Variants in RTP2 observed in about 807,000 individuals in gnomAD.
RTP2 encodes the protein receptor-transporting protein 2.
In RTP2, 12 loss-of-function variants were observed where a neutral mutation model predicts 17.9. The ratio of observed to expected loss-of-function variants is 0.67; its 90% confidence interval spans 0.43 to 1.09. RTP2 has a LOEUF of 1.09. Ranked by LOEUF, RTP2 falls within the 50% of genes least tolerant of loss-of-function variation. The pLI is 0.00. For synonymous variants in RTP2, 126 were observed against 117.7 expected, an observed-to-expected ratio of 1.07 and a Z score of -0.46; for missense variants, 327 against 295.7, an observed-to-expected ratio of 1.11 and a Z score of -0.78.
the RTP2 span, among the ~76,000 whole-genome samples, chr3:187,712,988 T>C: frequency 1.2e-4 from 18 of 152,226 alleles, no homozygotes; most frequent in African/African-American, 2.4e-4. Context: ...CTGTTTGCTC[T>C]GGGTCTCACT....
chr3:187,698,806 T>C (rs371032985), exon 2 of RTP2: 6 of 1,613,518 alleles, frequency 3.7e-6, no homozygotes, highest in Non-Finnish European at 4.2e-6. Flanking sequence ...TCGCGCAGGC[T>C]GGTGATGAGG....
the RTP2 span, among the ~76,000 whole-genome samples, chr3:187,714,917 C>A: frequency 6.6e-6 from 1 of 151,832 alleles, no homozygotes; most frequent in African/African-American, 2.4e-5. Context: ...ATTATAGCCT[C>A]ACTATTAGAA....
exon 1 of RTP2, chr3:187,701,981 G>T (rs1717861434): frequency 1.2e-6 from 2 of 1,606,078 alleles, no homozygotes; most frequent in East Asian, 2.2e-5. Flanking sequence ...GAGGCGTGCT[G>T]CTCCAGGTAC....
the RTP2 span, among the ~76,000 whole-genome samples, chr3:187,714,666 A>C: frequency 2.0e-5 from 3 of 152,074 alleles, no homozygotes; most frequent in East Asian, 1.9e-4. Flanking sequence ...TTAATCATGC[A>C]CTCACTCCTT....
intron 1 of RTP2, among the ~76,000 whole-genome samples, chr3:187,699,729 C>CCACACACACA (rs1328615413): frequency 1.0e-4 from 12 of 116,530 alleles, no homozygotes; most frequent in Admixed American, 4.7e-4. Flanking sequence ...CATTGCCACT[C>CCACACACACA]CACACACACA....
chr3:187,715,562 T>A, the RTP2 span: 3 of 447,164 alleles, frequency 6.7e-6, no homozygotes, highest in Admixed American at 7.2e-5. Flanking sequence ...GGGAGCTGTG[T>A]CCTAGTCCTT....
chr3:187,703,708 G>A (rs1316466656), upstream of RTP2, among the ~76,000 whole-genome samples: 6 of 152,194 alleles, frequency 3.9e-5, no homozygotes, highest in Admixed American at 3.9e-4. Context: ...GGAACTGAAC[G>A]AAGCTGAGAT....
chr3:187,701,944 C>G, intron 1 of RTP2, 21 bp downstream of exon 1: 2 of 1,559,174 alleles, frequency 1.3e-6, no homozygotes, highest in Non-Finnish European at 1.7e-6. Context: ...CTGCAAGGTC[C>G]CTCCCCACTG....
At chr3:187,702,439 A>C (rs1439004953) in exon 1 of RTP2, 4 of 506,994 alleles carry the variant, frequency 7.9e-6, no homozygotes, top group Non-Finnish European at 1.5e-5. Flanking sequence ...ACCTCAGACC[A>C]CACTCATCTG....
chr3:187,703,640 G>A (rs1014947707), upstream of RTP2, among the ~76,000 whole-genome samples: 1 of 152,200 alleles, frequency 6.6e-6, no homozygotes, highest in Non-Finnish European at 1.5e-5. Context: ...CCTCACTGGG[G>A]ATTCCCTTAG....
chr3:187,699,592 T>G (rs890809484), intron 1 of RTP2, among the ~76,000 whole-genome samples: 9 of 152,030 alleles, frequency 5.9e-5, no homozygotes, highest in Middle Eastern at 3.4e-3. Context: ...ATCAACTGGC[T>G]TTTAGGAGGA....
chr3:187,710,909 T>C, the RTP2 span, among the ~76,000 whole-genome samples: 1 of 152,158 alleles, frequency 6.6e-6, no homozygotes, highest in African/African-American at 2.4e-5. Flanking sequence ...TAACCCTAGG[T>C]AAATCAGTTT....
upstream of RTP2, among the ~76,000 whole-genome samples, chr3:187,703,533 C>A (rs909363028): frequency 2.0e-5 from 3 of 152,308 alleles, no homozygotes; most frequent in African/African-American, 7.2e-5. Flanking sequence ...TTGAACTCTT[C>A]ATTTCTTAAC....
upstream of RTP2, among the ~76,000 whole-genome samples, chr3:187,707,488 T>G (rs2108545474): frequency 6.6e-6 from 1 of 152,168 alleles, no homozygotes; most frequent in South Asian, 2.1e-4. Context: ...GTTAAAGGGG[T>G]GCTTTTCCCT....
chr3:187,706,442 C>T (rs1717992888), upstream of RTP2, among the ~76,000 whole-genome samples: 1 of 152,010 alleles, frequency 6.6e-6, no homozygotes, highest in Admixed American at 6.6e-5. Context: ...AACCCACTGA[C>T]CAGAATAAAA....
Position 187,699,094 on chromosome 3 carries a change from C to G in RTP2, c.165-83G>C, listed in dbSNP as rs6774045. 1.8e-3 allele frequency: 2,623 copies of G among 1,440,546 alleles called. 37 individuals are homozygous for G. The African/African-American group carries it at 0.028, about 15-fold the overall frequency. 89.2% of individuals were successfully genotyped at this position (1,440,546 alleles called of 1,614,324 possible). A position where few individuals can be genotyped will look rare whatever the true frequency, so the allele number is the denominator to read the frequency against. On this transcript the variant is annotated intron_variant, in intron 1 of 1. Coordinates refer to ENST00000358241, the Ensembl canonical transcript of RTP2. ...AGAAGCTCTGAGAGGGAAAAAAAAG[C>G]CTGTGTGCCCGTGCTTGGAGATGGA...
chr3:187,701,598 C>G (rs1402362418), intron 1 of RTP2, among the ~76,000 whole-genome samples: 1 of 152,124 alleles, frequency 6.6e-6, no homozygotes, highest in African/African-American at 2.4e-5. Context: ...AGCTGTACCC[C>G]CTGCATTCCC....
At chr3:187,699,053 A>G (rs778151705) in intron 1 of RTP2, 42 bp from the exon 2 acceptor site, 8 of 1,540,854 alleles carry the variant, frequency 5.2e-6, no homozygotes, top group Admixed American at 1.9e-5. Flanking sequence ...TGGGCATCCC[A>G]GAGAAGCCTG....
chr3:187,713,028 A>C, the RTP2 span, among the ~76,000 whole-genome samples: 3 of 152,162 alleles, frequency 2.0e-5, no homozygotes, highest in African/African-American at 7.2e-5. Flanking sequence ...CAGGGATTTG[A>C]TGCTGTCTCC....
Sources: allele counts gnomAD v4.1 joint callset (sites outside exome capture counted in the v4.1 genomes callset), GRCh38; gene constraint gnomAD v4.1.1; transcripts MANE v1.5; gene names NCBI Gene and HGNC (gene_info 2026-07-23, HGNC 2026-07-21).